The following UBE2L6 variants were observed in gnomAD, a reference collection of about 807,000 sequenced individuals.
The protein encoded by UBE2L6 is ubiquitin conjugating enzyme E2 L6.
A neutral mutation model predicts 13.6 loss-of-function variants in UBE2L6; 11 were observed. That is an observed-to-expected ratio of 0.81 (90% CI 0.51 to 1.34). The LOEUF (loss-of-function observed/expected upper bound fraction) is 1.34, where lower values mean the gene tolerates loss of function less well. UBE2L6 is among the 40% of genes most tolerant of loss of function. The probability of loss-of-function intolerance (pLI) is 0.00; values close to 1 mark genes in which losing one functional copy is unlikely to be tolerated. For missense variants in UBE2L6, 197 were observed against 199.5 expected, an observed-to-expected ratio of 0.99 and a Z score of 0.07; for synonymous variants, 74 against 83.2, an observed-to-expected ratio of 0.89 and a Z score of 0.60.
intron 1 of UBE2L6, among the ~76,000 whole-genome samples, chr11:57,566,155 T>C (rs1945090190): frequency 6.6e-6 from 1 of 152,212 alleles, no homozygotes; most frequent in African/African-American, 2.4e-5. Flanking sequence ...AGATCTGGAA[T>C]AGACATTTTC....
intron 2 of UBE2L6, 68 bp downstream of exon 2, chr11:57,560,269 C>A (rs1945028315): frequency 1.5e-6 from 2 of 1,315,514 alleles, no homozygotes; most frequent in Non-Finnish European, 1.1e-6. Context: ...CTAGTCCTAA[C>A]CCTCCCTGCC....
chr11:57,564,558 T>G (rs1207280116), intron 1 of UBE2L6, among the ~76,000 whole-genome samples: 1 of 152,240 alleles, frequency 6.6e-6, no homozygotes, highest in African/African-American at 2.4e-5. Flanking sequence ...ATCCCAGCAC[T>G]GTGGGAGGCC....
chr11:57,566,507 A>G (rs1272191192), intron 1 of UBE2L6, among the ~76,000 whole-genome samples: 1 of 152,230 alleles, frequency 6.6e-6, no homozygotes, highest in African/African-American at 2.4e-5. Context: ...TGTGCGAATT[A>G]GATGAAATAA....
rs1945033031 is a variant in UBE2L6, at chr11:57,560,549, C to G, written c.28-117G>C. On this transcript the variant is annotated intron_variant, in intron 1 of 3. Transcript: ENST00000287156. ...AAACTGGCCATCTTAGGGGCAGAAGCCGGTAAAGTCAGAGCCTACATTTAC... is the reference window on the plus strand; with the variant it reads ...AAACTGGCCATCTTAGGGGCAGAAGGCGGTAAAGTCAGAGCCTACATTTAC... 3 of 713,092 alleles carry G rather than the reference C, an allele frequency of 4.2e-6. No homozygotes were observed. In the South Asian group the frequency reaches 4.7e-5, roughly 11 times the overall value. The allele number at this position is 713,092 out of a possible 1,614,324, so 44.2% of individuals were successfully genotyped here. A position where few individuals can be genotyped will look rare whatever the true frequency, so the allele number is the denominator to read the frequency against.
intron 2 of UBE2L6, among the ~76,000 whole-genome samples, chr11:57,557,067 CAA>C (rs199843337): frequency 9.4e-4 from 117 of 124,016 alleles, no homozygotes; most frequent in Non-Finnish European, 9.8e-4. Flanking sequence ...ACTCTGTCAC[CAA>C]AAAAAAAAAA....
intron 1 of UBE2L6, among the ~76,000 whole-genome samples, chr11:57,562,090 T>C: frequency 6.6e-6 from 1 of 152,226 alleles, no homozygotes; most frequent in Non-Finnish European, 1.5e-5. Flanking sequence ...GGGAGACCGC[T>C]GCCCTGCAGG....
intron 3 of UBE2L6, 104 bp from the exon 4 acceptor site, chr11:57,552,613 G>A (rs1590806760): frequency 9.8e-6 from 14 of 1,432,138 alleles, no homozygotes; most frequent in Non-Finnish European, 1.3e-5. Context: ...TTGGGGGAAA[G>A]GTTACATCGC....
Position 57,560,318 on chromosome 11 carries a change from G to C in UBE2L6, c.123+19C>G. 1.2e-6 allele frequency: 2 copies of C among 1,606,904 alleles called. No individual in the cohort carries two copies. Among genetic ancestry groups the C allele is most frequent in the Non-Finnish European group, 1.7e-6 (2 of 1,173,452 alleles). On this transcript the variant is annotated intron_variant, in intron 2 of 3. Coordinates refer to ENST00000287156, the MANE Select transcript of UBE2L6 (RefSeq NM_004223.5). ...TAATTTGGCCCCAATCCAAAGCCATGGTCCCCATGGATACTCACGGGTAGG... is the reference window on the plus strand; with the variant it reads ...TAATTTGGCCCCAATCCAAAGCCATCGTCCCCATGGATACTCACGGGTAGG...
At chr11:57,566,987 C>T (rs1390872508) in intron 1 of UBE2L6, 1 of 425,888 alleles carries the variant, frequency 2.3e-6, no homozygotes, top group East Asian at 7.8e-5. Flanking sequence ...CACATGTAGG[C>T]ATTCAACACT....
chr11:57,558,883 T>C (rs1056724463), intron 2 of UBE2L6, among the ~76,000 whole-genome samples: 16 of 152,224 alleles, frequency 1.1e-4, no homozygotes, highest in African/African-American at 3.4e-4. Context: ...GCTTTGGTCC[T>C]CCAGCTCTGG....
In UBE2L6 at chr11:57,552,424, A is replaced by C. The variant is rs758885261; in HGVS notation, c.396T>G (p.Asn132Lys). 1 of 1,614,150 alleles carries C rather than the reference A, an allele frequency of 6.2e-7. No homozygotes were observed. Among genetic ancestry groups the C allele is most frequent in the Non-Finnish European group, 8.5e-7 (1 of 1,180,030 alleles). ...RMDLADLLTQ[N>K]PELFRKNAEE... Reference sequence around the variant, plus strand: ...CGGCATTCTTTCTGAACAGCTCCGGATTCTGTGTCAGCAGGTCAGCGAGGT... The same window carrying C: ...CGGCATTCTTTCTGAACAGCTCCGGCTTCTGTGTCAGCAGGTCAGCGAGGT... The change falls in exon 4 of 4, where the codon AAT becomes AAG. Residue 132 changes from asparagine to lysine, a missense_variant. By Grantham distance (94) the Asn-to-Lys change is moderately conservative (BLOSUM62 0). Transcript: ENST00000287156.
chr11:57,567,776 A>G, upstream of UBE2L6: 1 of 792,896 alleles, frequency 1.3e-6, no homozygotes, highest in Non-Finnish European at 1.8e-6. Context: ...CGGCGAGGCC[A>G]GGAGGCCGTC....
At chr11:57,563,820 T>C (rs1945065863) in intron 1 of UBE2L6, among the ~76,000 whole-genome samples, 1 of 151,174 alleles carries the variant, frequency 6.6e-6, no homozygotes, top group South Asian at 2.1e-4. Context: ...GAGAATGGTA[T>C]GAACCCAGGA....
intron 3 of UBE2L6, 133 bp from the exon 4 acceptor site, chr11:57,552,642 C>G (rs1024007630): frequency 2.6e-6 from 3 of 1,154,130 alleles, no homozygotes; most frequent in Non-Finnish European, 3.7e-6. Flanking sequence ...ACTCTACGAC[C>G]AGATCAAACG....
rs1385740214 is a variant in UBE2L6 at position 57,552,381 on chromosome 11, A to G, written c.439T>C (p.Phe147Leu). 2.5e-6 allele frequency: 4 copies of G among 1,614,184 alleles called. 1 individual carries two copies. The South Asian group carries it at 3.3e-5, about 13-fold the overall frequency. The change falls in exon 4 of 4, where the codon TTC (phenylalanine) becomes CTC (leucine). Residue 147 changes from phenylalanine to leucine, a missense_variant. Transcript: ENST00000287156. ...RKNAEEFTLR[F>L]GVDRPS is the part of the protein sequence containing the mutation. ...AGTTAGGAGGGCCGGTCCACTCCGA[A>G]TCGGAGGGTGAACTCTTCGGCATTC...
At chr11:57,558,888 C>T (rs1466005182) in intron 2 of UBE2L6, among the ~76,000 whole-genome samples, 1 of 152,242 alleles carries the variant, frequency 6.6e-6, no homozygotes, top group East Asian at 1.9e-4. Context: ...GGTCCTCCAG[C>T]TCTGGGATTC....
chr11:57,562,408 C>T (rs1945054199), intron 1 of UBE2L6, among the ~76,000 whole-genome samples: 1 of 152,234 alleles, frequency 6.6e-6, no homozygotes, highest in South Asian at 2.1e-4. Context: ...AACTAACCAC[C>T]CTAAGGGGAA....
At chr11:57,566,950 C>CG in intron 1 of UBE2L6, 1 of 138,050 alleles carries the variant, frequency 7.2e-6, no homozygotes. Context: ...TCTGCCCGCC[C>CG]CCCCCCCCCT....
intron 2 of UBE2L6, among the ~76,000 whole-genome samples, chr11:57,559,217 A>C (rs1033774576): frequency 1.3e-5 from 2 of 152,212 alleles, no homozygotes; most frequent in South Asian, 2.1e-4. Context: ...GACTTGACAG[A>C]GGTTCCCATG....
Sources: gnomAD v4.1 joint callset for allele counts (sites outside exome capture counted in the v4.1 genomes callset) on GRCh38, gnomAD v4.1.1 for gene constraint, MANE v1.5 for transcripts, NCBI Gene and HGNC (gene_info 2026-07-23, HGNC 2026-07-21) for gene names.